The following RBFOX1 variants were observed in gnomAD, a reference collection of about 807,000 sequenced individuals.
RBFOX1 encodes RNA binding protein fox-1 homolog 1.
RBFOX1 carries 8 observed loss-of-function variants against 57.7 expected under a neutral mutation model. The observed-to-expected ratio is 0.14, with a 90% CI of 0.08 to 0.25. RBFOX1 has a LOEUF of 0.25. RBFOX1 is among the 10% of genes least tolerant of loss of function. The pLI, the probability that RBFOX1 is intolerant of heterozygous loss-of-function variation, is 1.00. For synonymous variants in RBFOX1, 326 were observed against 222.4 expected (o/e 1.47, Z -4.15); for missense variants, 611 against 548.5 (o/e 1.11, Z -1.14).
At chr16:5,452,306 A>G (rs562233421) in intron 1 of RBFOX1, among the ~76,000 whole-genome samples, 5 of 151,764 alleles carry the variant, frequency 3.3e-5, no homozygotes, top group African/African-American at 1.2e-4. Context: ...TTTAGCAGAG[A>G]TAAGGTTTTC....
chr16:7,214,041 A>G (rs569039373), intron 4 of RBFOX1, among the ~76,000 whole-genome samples: 1 of 151,950 alleles, frequency 6.6e-6, no homozygotes, highest in East Asian at 1.9e-4. Flanking sequence ...TTGCCTAGAA[A>G]CTGGTCCTTT....
At chr16:6,055,819 C>G (rs1409266714) in intron 1 of RBFOX1, among the ~76,000 whole-genome samples, 1 of 152,068 alleles carries the variant, frequency 6.6e-6, no homozygotes, top group Non-Finnish European at 1.5e-5. Flanking sequence ...TTATAGAACA[C>G]TTGGCAAACA....
chr16:5,798,304 C>T (rs144714855), intron 3 of RBFOX1, among the ~76,000 whole-genome samples: 5 of 152,294 alleles, frequency 3.3e-5, no homozygotes, highest in East Asian at 3.9e-4. Context: ...CAACACATTA[C>T]GATACAGCTG....
Position 6,197,988 on chromosome 16 carries a change from G to T in RBFOX1, c.-126-119007G>T, listed in dbSNP as rs973062990. On this transcript the variant is annotated intron_variant, in intron 1 of 15. Transcript: ENST00000550418. ...TGCAAAGGACATGCTTTCATTTGTG[G>T]CTTTTCTAACACATTGGACCAAAAG... Among the ~76,000 whole-genome samples, 4 of 152,090 alleles carry T rather than the reference G, an allele frequency of 2.6e-5. No homozygotes were observed. In the East Asian group the frequency reaches 7.7e-4, roughly 29 times the overall value.
chr16:6,919,894 G>A (rs2074085120), intron 3 of RBFOX1, among the ~76,000 whole-genome samples: 1 of 151,000 alleles, frequency 6.6e-6, no homozygotes, highest in African/African-American at 2.4e-5. Flanking sequence ...CCTGAGCAGT[G>A]TACACTGTAC....
At chr16:7,343,754 C>T (rs920385504) in intron 4 of RBFOX1, among the ~76,000 whole-genome samples, 4 of 152,122 alleles carry the variant, frequency 2.6e-5, no homozygotes, top group African/African-American at 7.2e-5. Flanking sequence ...GGTTCATCTG[C>T]TGCAACCATT....
chr16:5,631,546 A>G lies in RBFOX1; in HGVS notation c.318+32585A>G, dbSNP rs549368188. Among the ~76,000 whole-genome samples the G allele has an allele frequency of 1.2e-3, 185 of 149,710 alleles. 1 individual carries two copies. The highest frequency in any genetic ancestry group is 6.9e-3 in the Middle Eastern group (2 of 290). On this transcript the variant is annotated intron_variant, in intron 3 of 19. Transcript: ENST00000641259. ...CACTCCAGCCTGGTGACAGACCGAG[A>G]CTCCATATTTAAAAAAAAAAAAAAA... is the stretch of plus-strand genomic sequence containing the variant.
At position 7,712,623 on chromosome 16, in the gene RBFOX1, G is replaced by C. The variant is rs2084169622; in HGVS notation, c.*1878G>C. On this transcript the variant is annotated 3_prime_UTR_variant, in exon 16 of 16. Transcript: ENST00000550418. The stretch of plus-strand genomic sequence containing the variant: ...AGTGTTCTTTTCACCAGACTTCTTT[G>C]GGTGGGTGAGGGGAGGGGCAAGAGG... 6.6e-6 allele frequency: 1 copy of C among 152,378 alleles called. No individual in the cohort carries two copies. Among genetic ancestry groups the C allele is most frequent in the Non-Finnish European group, 1.5e-5 (1 of 68,032 alleles). The allele number at this position is 152,378 out of a possible 1,614,324, so 9.4% of individuals were successfully genotyped here.
chr16:5,611,292 C>T (rs979124557), intron 3 of RBFOX1: 1 of 152,214 alleles, frequency 6.6e-6, no homozygotes, highest in Non-Finnish European at 1.5e-5. Flanking sequence ...TTACTTCCTT[C>T]ATCAAAGTGT....
chr16:6,245,884 A>C (rs1243214205), intron 1 of RBFOX1, among the ~76,000 whole-genome samples: 1 of 152,162 alleles, frequency 6.6e-6, no homozygotes, highest in Non-Finnish European at 1.5e-5. Flanking sequence ...TGAGACACAG[A>C]GTATCTTATT....
intron 4 of RBFOX1, among the ~76,000 whole-genome samples, chr16:7,249,601 T>TAAAA (rs202035763): frequency 2.0e-5 from 3 of 146,820 alleles, no homozygotes; most frequent in African/African-American, 7.4e-5. Context: ...CTTCTTTCTT[T>TAAAA]AAAAAAAAAA....
At chr16:5,388,377 C>T (rs73516698) in intron 1 of RBFOX1, among the ~76,000 whole-genome samples, 2 of 152,098 alleles carry the variant, frequency 1.3e-5, no homozygotes, top group African/African-American at 4.8e-5. Context: ...GGGCCAGGTC[C>T]TAAATATGTC....
At chr16:7,255,437 A>G (rs953829764) in intron 4 of RBFOX1, among the ~76,000 whole-genome samples, 2 of 152,262 alleles carry the variant, frequency 1.3e-5, no homozygotes, top group Admixed American at 6.5e-5. Context: ...TTATATCCAC[A>G]TAATGCAACA....
intron 1 of RBFOX1, among the ~76,000 whole-genome samples, chr16:6,221,559 AAT>A (rs528969595): frequency 5.3e-4 from 81 of 152,338 alleles, no homozygotes; most frequent in Middle Eastern, 3.4e-3. Flanking sequence ...ATCATTTGTT[AAT>A]ATGATCTTAA....
At chr16:7,299,108 CA>C (rs1236860785) in intron 4 of RBFOX1, among the ~76,000 whole-genome samples, 1 of 152,120 alleles carries the variant, frequency 6.6e-6, no homozygotes, top group Non-Finnish European at 1.5e-5. Flanking sequence ...TGATAGTGAG[CA>C]CCAAAATATT....
chr16:7,501,408 C>T (rs1028607494), intron 4 of RBFOX1, among the ~76,000 whole-genome samples: 10 of 152,216 alleles, frequency 6.6e-5, no homozygotes, highest in African/African-American at 2.4e-4. Flanking sequence ...TGCATTTACT[C>T]TTTGATTTAA....
At chr16:6,214,214 T>C (rs1387493637) in intron 1 of RBFOX1, among the ~76,000 whole-genome samples, 2 of 152,214 alleles carry the variant, frequency 1.3e-5, no homozygotes, top group African/African-American at 4.8e-5. Context: ...TTTCCCTTCT[T>C]GTACCCACCA....
intron 2 of RBFOX1, among the ~76,000 whole-genome samples, chr16:6,417,066 CA>C (rs1424354742): frequency 1.3e-5 from 2 of 152,152 alleles, no homozygotes; most frequent in Non-Finnish European, 2.9e-5. Flanking sequence ...GGCTAAAGTA[CA>C]ATGGTGCAGT....
intron 1 of RBFOX1, among the ~76,000 whole-genome samples, chr16:5,292,769 A>G (rs1179067494): frequency 2.6e-5 from 4 of 151,982 alleles, no homozygotes; most frequent in Non-Finnish European, 5.9e-5. Flanking sequence ...GCTTACAGGC[A>G]TGTGTCACCA....
Sources: gnomAD v4.1 joint callset for allele counts (sites outside exome capture counted in the v4.1 genomes callset) on GRCh38, gnomAD v4.1.1 for gene constraint, MANE v1.5 for transcripts, NCBI Gene and HGNC (gene_info 2026-07-23, HGNC 2026-07-21) for gene names.